NDST4: variants seen among roughly 807,000 people sequenced by gnomAD.
NDST4 encodes N-heparan sulfate sulfotransferase 4.
NDST4 carries 63 observed loss-of-function variants against 100.8 expected under a neutral mutation model. The observed-to-expected ratio is 0.62, with a 90% CI of 0.51 to 0.77. NDST4 has a LOEUF of 0.77. NDST4 is among the 30% of genes least tolerant of loss of function. The pLI is 0.00. For synonymous variants in NDST4, 377 were observed against 361.8 expected, an observed-to-expected ratio of 1.04 and a Z score of -0.48; for missense variants, 943 against 1,018.4, an observed-to-expected ratio of 0.93 and a Z score of 1.01.
chr4:114,830,495 ATC>A (rs1454827113), intron 12 of NDST4, among the ~76,000 whole-genome samples: 2 of 152,248 alleles, frequency 1.3e-5, no homozygotes, highest in Non-Finnish European at 2.9e-5. Flanking sequence ...AAGGCAGATA[ATC>A]TGTTAGATAA....
chr4:114,848,237 T>C lies in NDST4; in HGVS notation c.1918A>G (p.Asn640Asp). Residue 640 changes from asparagine to aspartate, a missense_variant, in exon 9 of 14, where the codon AAC becomes GAC. Coordinates refer to ENST00000264363, the MANE Select transcript of NDST4 (RefSeq NM_022569.3). ...TACCAGTCTATTCCTTTGTGATAGT[T>C]GTTGCCATTAAAGAACTGAACTTCC... ...FEEVQFFNGN[N>D]YHKGIDWYMD... 1 of 1,609,416 alleles carries C rather than the reference T, an allele frequency of 6.2e-7. No individual in the cohort carries two copies. Among genetic ancestry groups the C allele is most frequent in the Non-Finnish European group, 8.5e-7 (1 of 1,178,596 alleles).
intron 6 of NDST4, among the ~76,000 whole-genome samples, chr4:114,913,294 T>A (rs1366064558): frequency 6.6e-6 from 1 of 152,054 alleles, no homozygotes; most frequent in Admixed American, 6.6e-5. Flanking sequence ...GGTTTTTGAT[T>A]GTAAGCTATC....
intron 10 of NDST4, among the ~76,000 whole-genome samples, chr4:114,840,160 A>G (rs58803847): frequency 0.016 from 2,431 of 152,188 alleles, 73 homozygotes; most frequent in African/African-American, 0.056. Context: ...ACATCACCCA[A>G]GGTCCTTTCT....
intron 4 of NDST4, among the ~76,000 whole-genome samples, chr4:114,966,486 A>C (rs1726386231): frequency 6.6e-6 from 1 of 150,888 alleles, no homozygotes. Context: ...TATTTAAAAA[A>C]TACAATTTTT....
At chr4:114,993,936 T>C (rs1248336133) in intron 2 of NDST4, among the ~76,000 whole-genome samples, 1 of 152,028 alleles carries the variant, frequency 6.6e-6, no homozygotes, top group Non-Finnish European at 1.5e-5. Context: ...AAAAGTATGA[T>C]GCTTCCTCTA....
chr4:114,948,275 C>A (rs966785066), intron 4 of NDST4, among the ~76,000 whole-genome samples: 1 of 148,394 alleles, frequency 6.7e-6, no homozygotes, highest in Non-Finnish European at 1.5e-5. Flanking sequence ...TCACTTCCCT[C>A]CCCCACCCCC....
chr4:114,999,022 A>G (rs568339781), intron 2 of NDST4, among the ~76,000 whole-genome samples: 24 of 152,208 alleles, frequency 1.6e-4, no homozygotes, highest in Middle Eastern at 3.4e-3. Flanking sequence ...GATGAGGTCA[A>G]GGTCTATTTT....
intron 2 of NDST4, among the ~76,000 whole-genome samples, chr4:115,070,920 C>A (rs1729063157): frequency 6.6e-6 from 1 of 152,006 alleles, no homozygotes; most frequent in South Asian, 2.1e-4. Flanking sequence ...GCGTGGCCAA[C>A]ATGGTGAAAC....
chr4:115,103,693 A>G (rs548830997), intron 1 of NDST4, among the ~76,000 whole-genome samples: 2 of 151,930 alleles, frequency 1.3e-5, no homozygotes, highest in South Asian at 4.1e-4. Flanking sequence ...ATTTCCTTCT[A>G]TTTTATGTTA....
intron 6 of NDST4, among the ~76,000 whole-genome samples, chr4:114,933,747 C>A (rs575242807): frequency 6.6e-6 from 1 of 151,962 alleles, no homozygotes; most frequent in Non-Finnish European, 1.5e-5. Context: ...AACAGGTATA[C>A]GAAAAAATCC....
At chr4:114,886,799 A>T (rs976646604) in intron 6 of NDST4, among the ~76,000 whole-genome samples, 1 of 152,184 alleles carries the variant, frequency 6.6e-6, no homozygotes, top group Non-Finnish European at 1.5e-5. Flanking sequence ...ATGCTGGGTT[A>T]TTCTGGTCTC....
intron 7 of NDST4, among the ~76,000 whole-genome samples, chr4:114,869,590 A>G (rs958837362): frequency 2.0e-5 from 3 of 152,148 alleles, no homozygotes; most frequent in Admixed American, 6.6e-5. Context: ...TAAATTACAT[A>G]TCAAATGGTA....
intron 2 of NDST4, among the ~76,000 whole-genome samples, chr4:115,057,735 G>GAGAC (rs1728730516): frequency 7.1e-6 from 1 of 141,648 alleles, no homozygotes; most frequent in African/African-American, 2.6e-5. Flanking sequence ...CACACACACA[G>GAGAC]ACACACACAC....
intron 1 of NDST4, among the ~76,000 whole-genome samples, chr4:115,096,997 G>A (rs545750743): frequency 1.4e-4 from 21 of 151,962 alleles, no homozygotes; most frequent in African/African-American, 3.4e-4. Context: ...CCCCTCAACC[G>A]CACAGAAACT....
chr4:114,868,906 T>C (rs72679778), intron 7 of NDST4, among the ~76,000 whole-genome samples: 11,426 of 149,384 alleles, frequency 0.076, 509 homozygotes, highest in East Asian at 0.13. Flanking sequence ...CTTACCCCTA[T>C]GATATTATGC....
At chr4:114,887,349 C>T (rs938237083) in intron 6 of NDST4, among the ~76,000 whole-genome samples, 25 of 152,104 alleles carry the variant, frequency 1.6e-4, no homozygotes, top group African/African-American at 5.6e-4. Context: ...AATTAGCACA[C>T]CTGTGACTTT....
At position 114,872,861 on chromosome 4, in the gene NDST4, A is replaced by G. The variant is rs931168649; in HGVS notation, c.1537-1911T>C. Among the ~76,000 whole-genome samples, 9 of 152,080 alleles carry G rather than the reference A, an allele frequency of 5.9e-5. No individual in the cohort carries two copies. The East Asian group carries it at 1.2e-3, about 20-fold the overall frequency. On this transcript the variant is annotated intron_variant, in intron 6 of 13. Transcript: ENST00000264363. ...CAGATTCCCAATTCTGACATATAAT[A>G]TAACTGAAACCTTCGCCAAAACATA... is the stretch of plus-strand genomic sequence containing the variant.
At chr4:114,963,362 T>A (rs567773899) in intron 4 of NDST4, among the ~76,000 whole-genome samples, 1 of 152,166 alleles carries the variant, frequency 6.6e-6, no homozygotes, top group Non-Finnish European at 1.5e-5. Context: ...TCTACTTATA[T>A]CCCACGTCCA....
At chr4:115,049,302 A>G in intron 2 of NDST4, among the ~76,000 whole-genome samples, 1 of 151,982 alleles carries the variant, frequency 6.6e-6, no homozygotes. Flanking sequence ...AAAAGAGACC[A>G]GTAAGATGTC....
Sources: gnomAD v4.1 joint callset for allele counts (sites outside exome capture counted in the v4.1 genomes callset) on GRCh38, gnomAD v4.1.1 for gene constraint, MANE v1.5 for transcripts, NCBI Gene and HGNC (gene_info 2026-07-23, HGNC 2026-07-21) for gene names.